STAM2: variants seen among roughly 807,000 people sequenced by gnomAD.
STAM2 encodes signal transducing adaptor molecule 2.
A neutral mutation model predicts 65.6 loss-of-function variants in STAM2; 51 were observed. The ratio of observed to expected loss-of-function variants is 0.78; its 90% CI spans 0.62 to 0.98. STAM2 has a LOEUF of 0.98. STAM2 is among the 50% of genes least tolerant of loss of function. The probability of loss-of-function intolerance (pLI) is 0.00; values close to 1 mark genes in which losing one functional copy is unlikely to be tolerated. For missense variants in STAM2, 584 were observed against 617.8 expected (o/e 0.95, Z 0.58); for synonymous variants, 198 against 208.4 (o/e 0.95, Z 0.43).
chr2:152,132,082 T>A (rs1232141460), intron 11 of STAM2, 32 bp downstream of exon 11: 40 of 1,530,604 alleles, frequency 2.6e-5, no homozygotes, highest in Non-Finnish European at 3.5e-5. Flanking sequence ...CCCCCAAAAC[T>A]ATACTTTTTA....
At chr2:152,150,365 AGT>A (rs1270973486) in intron 1 of STAM2, 136 bp from the exon 2 acceptor site, 1 of 528,396 alleles carries the variant, frequency 1.9e-6, no homozygotes, top group Non-Finnish European at 3.3e-6. Context: ...AGAAGACAAA[AGT>A]ACTTCTACTA....
At chr2:152,156,507 G>A (rs996534660) in intron 1 of STAM2, among the ~76,000 whole-genome samples, 3 of 152,242 alleles carry the variant, frequency 2.0e-5, no homozygotes, top group Non-Finnish European at 2.9e-5. Context: ...AAAATTAAAA[G>A]AGCCCTCCTG....
At chr2:152,135,094 A>G (rs1366106464) in intron 8 of STAM2, among the ~76,000 whole-genome samples, 1 of 152,244 alleles carries the variant, frequency 6.6e-6, no homozygotes, top group Admixed American at 6.5e-5. Flanking sequence ...TCCTAACCCC[A>G]GTAATCATAT....
intron 1 of STAM2, among the ~76,000 whole-genome samples, chr2:152,153,826 T>C (rs1391588671): frequency 2.0e-5 from 3 of 151,852 alleles, no homozygotes; most frequent in Non-Finnish European, 4.4e-5. Context: ...CTCCTAATTC[T>C]ACGAATCCTT....
intron 11 of STAM2, among the ~76,000 whole-genome samples, chr2:152,129,097 T>C (rs963975321): frequency 1.3e-5 from 2 of 152,200 alleles, no homozygotes; most frequent in African/African-American, 2.4e-5. Flanking sequence ...AAATGGTTAA[T>C]GGTTGAGTTC....
At chr2:152,126,867 T>C (rs1688972487) in intron 11 of STAM2, among the ~76,000 whole-genome samples, 1 of 152,184 alleles carries the variant, frequency 6.6e-6, no homozygotes, top group South Asian at 2.1e-4. Flanking sequence ...GAGTCTTCAT[T>C]TGCAAAGAAA....
At chr2:152,151,648 C>A (rs1359623641) in intron 1 of STAM2, among the ~76,000 whole-genome samples, 1 of 152,182 alleles carries the variant, frequency 6.6e-6, no homozygotes, top group Non-Finnish European at 1.5e-5. Context: ...AATCCATACC[C>A]ATTGGCAGTC....
At chr2:152,147,412 T>C (rs1318292068) in intron 4 of STAM2, 104 bp from the exon 5 acceptor site, 13 of 1,133,234 alleles carry the variant, frequency 1.1e-5, no homozygotes, top group South Asian at 3.9e-5. Context: ...TTTAATTATA[T>C]GAACATCAAC....
intron 11 of STAM2, among the ~76,000 whole-genome samples, chr2:152,129,602 T>C (rs1032739792): frequency 6.6e-6 from 1 of 152,218 alleles, no homozygotes; most frequent in African/African-American, 2.4e-5. Context: ...ATGATTTCCA[T>C]TGTAGAATGT....
chr2:152,119,733 C>T lies in STAM2; in HGVS notation c.*841G>A, dbSNP rs568273798. The T allele has an allele frequency of 1.3e-5, 2 of 152,270 alleles. No homozygotes were observed. The highest frequency in any genetic ancestry group is 4.1e-4 in the South Asian group (2 of 4,826). The allele number at this position is 152,270 out of a possible 1,614,324, so 9.4% of individuals were successfully genotyped here. ...GTGACAATTCTAAATACCAGAGATA[C>T]ATGTAGGAAAGAAAATGTTTTTCCT... On this transcript the variant is annotated 3_prime_UTR_variant, in exon 14 of 14. Coordinates refer to ENST00000263904, the MANE Select transcript of STAM2 (RefSeq NM_005843.6).
At chr2:152,134,121 G>A (rs1350122399) in intron 8 of STAM2, among the ~76,000 whole-genome samples, 2 of 151,926 alleles carry the variant, frequency 1.3e-5, no homozygotes, top group African/African-American at 2.4e-5. Context: ...TTGCTAGAAT[G>A]TACCATATTT....
At chr2:152,156,341 G>C (rs1689546270) in intron 1 of STAM2, among the ~76,000 whole-genome samples, 1 of 152,150 alleles carries the variant, frequency 6.6e-6, no homozygotes. Flanking sequence ...TTTCAAGGGA[G>C]CTAAATAACA....
chr2:152,173,391 T>TAC (rs1265813236), intron 1 of STAM2, among the ~76,000 whole-genome samples: 3 of 147,272 alleles, frequency 2.0e-5, no homozygotes, highest in African/African-American at 7.4e-5. Flanking sequence ...TATATATGTA[T>TAC]ACATATATAT....
intron 1 of STAM2, among the ~76,000 whole-genome samples, chr2:152,161,494 T>TAAA (rs10714838): frequency 2.0e-3 from 211 of 103,228 alleles, no homozygotes; most frequent in Non-Finnish European, 2.8e-3. Context: ...GAATGATCAA[T>TAAA]AAAAAAAAAA....
At chr2:152,160,897 C>A (rs993168201) in intron 1 of STAM2, among the ~76,000 whole-genome samples, 1 of 151,424 alleles carries the variant, frequency 6.6e-6, no homozygotes, top group Non-Finnish European at 1.5e-5. Context: ...CCCCGCCTGG[C>A]CAGCCGCCCC....
chr2:152,171,670 C>T (rs1689900849), intron 1 of STAM2, among the ~76,000 whole-genome samples: 1 of 152,238 alleles, frequency 6.6e-6, no homozygotes, highest in Non-Finnish European at 1.5e-5. Context: ...GCAATACACA[C>T]ATTAAAATGT....
intron 13 of STAM2, among the ~76,000 whole-genome samples, chr2:152,122,283 C>T (rs1328400439): frequency 6.6e-6 from 1 of 151,528 alleles, no homozygotes; most frequent in African/African-American, 2.4e-5. Context: ...ATAACATTAG[C>T]TGGGTGTAGT....
rs558510898 is a variant in STAM2 at position 152,170,463 on chromosome 2, A to C, written c.40+5140T>G. Among the ~76,000 whole-genome samples, 6 of 148,188 alleles carry C rather than the reference A, an allele frequency of 4.0e-5. No homozygotes were observed. The South Asian group carries it at 8.9e-4, about 22-fold the overall frequency. ...GCGCCACTGCACTCCAGCCTGGGTG[A>C]CAGGGCAAGACTCCGTCTCAAAAAA... On this transcript the variant is annotated intron_variant, in intron 1 of 13. Transcript: ENST00000263904.
chr2:152,165,062 A>G (rs1213393203), intron 1 of STAM2, among the ~76,000 whole-genome samples: 1 of 152,186 alleles, frequency 6.6e-6, no homozygotes, highest in African/African-American at 2.4e-5. Flanking sequence ...CATACATGTT[A>G]TAATTTCCAT....
Sources: allele counts gnomAD v4.1 joint callset (sites outside exome capture counted in the v4.1 genomes callset), GRCh38; gene constraint gnomAD v4.1.1; transcripts MANE v1.5; gene names NCBI Gene and HGNC (gene_info 2026-07-23, HGNC 2026-07-21).